The following GALNT13 variants were observed in gnomAD, a reference collection of about 807,000 sequenced individuals.
GALNT13 encodes the protein UDP-GalNAc:polypeptide N-acetylgalactosaminyltransferase 13.
GALNT13 carries 28 observed loss-of-function variants against 64.2 expected under a neutral mutation model. That is an observed-to-expected ratio of 0.44 (90% confidence interval 0.32 to 0.60). The LOEUF (loss-of-function observed/expected upper bound fraction) is 0.60, where lower values mean the gene tolerates loss of function less well. GALNT13 is among the 20% of genes least tolerant of loss of function. The pLI, the probability that GALNT13 is intolerant of heterozygous loss-of-function variation, is 0.05. For missense variants in GALNT13, 577 were observed against 669.8 expected (o/e 0.86, Z 1.53); for synonymous variants, 214 against 224.6 (o/e 0.95, Z 0.42).
intron 9 of GALNT13, among the ~76,000 whole-genome samples, chr2:154,345,631 T>C (rs1159913146): frequency 6.6e-6 from 1 of 152,036 alleles, no homozygotes; most frequent in African/African-American, 2.4e-5. Context: ...TACCCTAAAA[T>C]TGAATTGCTT....
At chr2:153,081,761 A>T in the GALNT13 span, among the ~76,000 whole-genome samples, 2 of 152,082 alleles carry the variant, frequency 1.3e-5, no homozygotes, top group Non-Finnish European at 2.9e-5. Flanking sequence ...TTTTTAATCC[A>T]TTCATCTGTT....
chr2:153,524,158 C>G, the GALNT13 span, among the ~76,000 whole-genome samples: 4 of 152,084 alleles, frequency 2.6e-5, no homozygotes, highest in South Asian at 2.1e-4. Flanking sequence ...GCATAATTCT[C>G]ACTTGATTGT....
intron 8 of GALNT13, among the ~76,000 whole-genome samples, chr2:154,271,732 C>A (rs139852942): frequency 2.0e-5 from 3 of 151,712 alleles, no homozygotes; most frequent in African/African-American, 7.3e-5. Flanking sequence ...TTATTTTATT[C>A]ATCTATATAT....
At chr2:153,183,125 C>T in the GALNT13 span, among the ~76,000 whole-genome samples, 815 of 152,270 alleles carry the variant, frequency 5.4e-3, 3 homozygotes, top group Non-Finnish European at 8.8e-3. Flanking sequence ...TTCTTCATAA[C>T]CTCACCAGCA....
the GALNT13 span, chr2:153,420,891 G>T: frequency 1.4e-4 from 33 of 228,300 alleles, 1 homozygote; most frequent in Non-Finnish European, 2.8e-4. Context: ...CAGCATGCAC[G>T]CAGCTCTCTT....
the GALNT13 span, among the ~76,000 whole-genome samples, chr2:153,282,340 C>T: frequency 1.6e-4 from 24 of 152,114 alleles, no homozygotes; most frequent in Admixed American, 1.4e-3. Flanking sequence ...TACTTCCTTG[C>T]AGTCCATGCT....
chr2:154,191,334 G>C (rs1312779510), intron 4 of GALNT13, among the ~76,000 whole-genome samples: 1 of 152,132 alleles, frequency 6.6e-6, no homozygotes, highest in African/African-American at 2.4e-5. Context: ...AATGGATTAA[G>C]AAGTTTAGAT....
intron 4 of GALNT13, among the ~76,000 whole-genome samples, chr2:154,166,527 T>C (rs905202239): frequency 3.3e-5 from 5 of 152,228 alleles, no homozygotes; most frequent in Admixed American, 2.0e-4. Context: ...ACACTGTTGG[T>C]AGGACAGTAA....
At chr2:153,964,610 G>A (rs1693198287) in intron 3 of GALNT13, among the ~76,000 whole-genome samples, 2 of 151,904 alleles carry the variant, frequency 1.3e-5, no homozygotes, top group African/African-American at 4.8e-5. Flanking sequence ...AACTTGAAAA[G>A]TATGTAATTG....
chr2:153,327,843 C>A, the GALNT13 span, among the ~76,000 whole-genome samples: 119,180 of 151,778 alleles, frequency 0.79, 47,730 homozygotes, highest in Non-Finnish European at 0.86. Flanking sequence ...CTTGCTGGCT[C>A]GGAGTTGTGA....
chr2:154,413,231 C>G (rs1266506101), intron 11 of GALNT13, among the ~76,000 whole-genome samples: 3 of 151,982 alleles, frequency 2.0e-5, no homozygotes, highest in South Asian at 4.1e-4. Context: ...GAACTCATTT[C>G]CTTTCCTTTC....
chr2:153,537,911 TC>T, the GALNT13 span, among the ~76,000 whole-genome samples: 49 of 152,346 alleles, frequency 3.2e-4, no homozygotes, highest in African/African-American at 1.2e-3. Flanking sequence ...CTCAGGCAGT[TC>T]TTTATAGCAG....
chr2:153,538,318 T>C, the GALNT13 span, among the ~76,000 whole-genome samples: 1 of 114,256 alleles, frequency 8.8e-6, no homozygotes, highest in South Asian at 3.2e-4. Context: ...TTCTTTTTTT[T>C]TTTAATTCTT....
At chr2:153,520,190 C>G in the GALNT13 span, among the ~76,000 whole-genome samples, 4 of 152,142 alleles carry the variant, frequency 2.6e-5, no homozygotes, top group Non-Finnish European at 5.9e-5. Flanking sequence ...GATCTTTGCA[C>G]ATATAATTTT....
At chr2:154,113,227 GC>G (rs1703087400) in intron 3 of GALNT13, among the ~76,000 whole-genome samples, 1 of 104 alleles carries the variant, frequency 9.6e-3, no homozygotes, top group Non-Finnish European at 0.022. Context: ...ACCTATGGGG[GC>G]CTGCAAAGGC....
At chr2:153,502,749 C>A in the GALNT13 span, among the ~76,000 whole-genome samples, 1 of 152,194 alleles carries the variant, frequency 6.6e-6, no homozygotes, top group South Asian at 2.1e-4. Context: ...CCAACATCTA[C>A]AATTTTTTGA....
chr2:153,458,776 T>C, the GALNT13 span, among the ~76,000 whole-genome samples: 1 of 152,196 alleles, frequency 6.6e-6, no homozygotes, highest in Non-Finnish European at 1.5e-5. Flanking sequence ...TTATTCCCCC[T>C]GTACAAATCA....
intron 3 of GALNT13, among the ~76,000 whole-genome samples, chr2:154,103,885 G>T (rs1702473776): frequency 6.6e-6 from 1 of 152,122 alleles, no homozygotes; most frequent in Admixed American, 6.5e-5. Flanking sequence ...TCATACTCTA[G>T]CATGATTCCC....
the GALNT13 span, among the ~76,000 whole-genome samples, chr2:153,082,948 C>A: frequency 6.6e-6 from 1 of 151,690 alleles, no homozygotes; most frequent in Non-Finnish European, 1.5e-5. Context: ...CCTGCCTCAG[C>A]CTCCCAAGTG....
Sources: allele counts gnomAD v4.1 joint callset (sites outside exome capture counted in the v4.1 genomes callset), GRCh38; gene constraint gnomAD v4.1.1; transcripts MANE v1.5; gene names NCBI Gene and HGNC (gene_info 2026-07-23, HGNC 2026-07-21).